NTRK3: variants seen among roughly 807,000 people sequenced by gnomAD.
NTRK3 encodes the protein NT-3 growth factor receptor.
In NTRK3, 24 loss-of-function variants were observed where a neutral mutation model predicts 91.7. The observed-to-expected ratio is 0.26, with a 90% CI of 0.19 to 0.37. The LOEUF (loss-of-function observed/expected upper bound fraction) is 0.37, where lower values mean the gene tolerates loss of function less well. NTRK3 is among the 10% of genes least tolerant of loss of function. The probability of loss-of-function intolerance (pLI) is 1.00; values close to 1 mark genes in which losing one functional copy is unlikely to be tolerated. For synonymous variants in NTRK3, 483 were observed against 404.0 expected (o/e 1.20, Z -2.34); for missense variants, 880 against 1,068.9 (o/e 0.82, Z 2.46).
In NTRK3 at chr15:88,233,774, T is replaced by C. The variant is rs2051423518; in HGVS notation, c.248+22132A>G. Among the ~76,000 whole-genome samples, 2 of 151,016 alleles carry C rather than the reference T, an allele frequency of 1.3e-5. No homozygotes were observed. The highest frequency in any genetic ancestry group is 4.9e-5 in the African/African-American group (2 of 40,648). On this transcript the variant is annotated intron_variant, in intron 3 of 18. Coordinates refer to ENST00000394480, the Ensembl canonical transcript of NTRK3. This position sits in a 1 kb window ranked among gnomAD's most constrained non-coding sequence, Gnocchi z 4.2. ...CTTCCTCCCTACACCTTGCTCCTCC[T>C]CCCCTGACATCCAGTGCTCCCCCTC...
chr15:88,121,567 A>C (rs919818776), intron 13 of NTRK3, among the ~76,000 whole-genome samples: 1 of 152,148 alleles, frequency 6.6e-6, no homozygotes, highest in African/African-American at 2.4e-5. Context: ...GCAAGGGTAC[A>C]CTCTAGTTAG....
At chr15:88,023,439 T>C (rs372670029) in intron 14 of NTRK3, among the ~76,000 whole-genome samples, 1 of 152,190 alleles carries the variant, frequency 6.6e-6, no homozygotes, top group Non-Finnish European at 1.5e-5. Flanking sequence ...TACTAATTTA[T>C]GTCCATTTAA....
At chr15:87,948,002 C>A (rs528327692) in intron 14 of NTRK3, among the ~76,000 whole-genome samples, 81 of 152,108 alleles carry the variant, frequency 5.3e-4, no homozygotes, top group African/African-American at 1.7e-3. Context: ...AAATTTCTGC[C>A]AGCCCTCAAA....
chr15:87,976,938 C>A (rs1360350195), intron 14 of NTRK3, among the ~76,000 whole-genome samples: 1 of 151,884 alleles, frequency 6.6e-6, no homozygotes, highest in Admixed American at 6.6e-5. Context: ...ACTCTCAGAC[C>A]CCCATATATC....
chr15:87,885,528 T>C (rs1264416185), intron 17 of NTRK3, among the ~76,000 whole-genome samples, 166 bp downstream of exon 18: 2 of 151,816 alleles, frequency 1.3e-5, no homozygotes, highest in African/African-American at 2.4e-5. Context: ...AATGAACACA[T>C]TGCATTTTGG....
chr15:88,098,449 G>T (rs1230349724), intron 13 of NTRK3: 1 of 197,994 alleles, frequency 5.1e-6, no homozygotes, highest in Non-Finnish European at 1.0e-5. Context: ...CACTCGTGGA[G>T]CTTCAGCAAG....
chr15:88,111,613 A>G (rs775347166), intron 13 of NTRK3, among the ~76,000 whole-genome samples: 1 of 152,162 alleles, frequency 6.6e-6, no homozygotes, highest in Non-Finnish European at 1.5e-5. Flanking sequence ...GGTTCCCAGC[A>G]GCCCTAGGTC....
chr15:88,229,588 G>A (rs1004721141), intron 3 of NTRK3, among the ~76,000 whole-genome samples: 3 of 152,186 alleles, frequency 2.0e-5, no homozygotes, highest in Admixed American at 6.5e-5. Flanking sequence ...ATCCTGAGAA[G>A]AGCCTGCCAG....
chr15:88,189,477 G>A (rs921487270), intron 3 of NTRK3, among the ~76,000 whole-genome samples: 2 of 150,498 alleles, frequency 1.3e-5, no homozygotes, highest in African/African-American at 4.9e-5. Context: ...AGGCTGGAGT[G>A]CAATGGCTCA....
At chr15:88,136,114 C>A (rs558772682) in intron 8 of NTRK3, 74 bp from the exon 9 acceptor site, 25 of 1,563,660 alleles carry the variant, frequency 1.6e-5, no homozygotes, top group Middle Eastern at 1.7e-4. Flanking sequence ...TCCCCAAATA[C>A]CTTTAGGAAT....
intron 14 of NTRK3, among the ~76,000 whole-genome samples, chr15:87,970,540 G>A (rs1339518661): frequency 6.6e-6 from 1 of 152,208 alleles, no homozygotes; most frequent in Non-Finnish European, 1.5e-5. Flanking sequence ...TGTGTGCTGA[G>A]TCTATTAATA....
intron 14 of NTRK3, among the ~76,000 whole-genome samples, chr15:87,959,213 CTTAT>C (rs2071996357): frequency 1.3e-5 from 2 of 152,222 alleles, no homozygotes; most frequent in Admixed American, 6.5e-5. Context: ...ATCTTCCTGA[CTTAT>C]TTGTTTGTTT....
intron 17 of NTRK3, among the ~76,000 whole-genome samples, chr15:87,924,379 T>G (rs2068120204): frequency 6.6e-6 from 1 of 152,166 alleles, no homozygotes; most frequent in South Asian, 2.1e-4. Flanking sequence ...TCTAGGAGTT[T>G]CTGGGAACCC....
intron 14 of NTRK3, among the ~76,000 whole-genome samples, chr15:87,947,589 A>G (rs1385681701): frequency 6.6e-6 from 1 of 152,116 alleles, no homozygotes; most frequent in Non-Finnish European, 1.5e-5. Flanking sequence ...TGCCCCACCC[A>G]GAAACAGAGT....
intron 17 of NTRK3, among the ~76,000 whole-genome samples, chr15:87,881,406 C>CCTATTTAT: frequency 6.7e-6 from 1 of 149,260 alleles, no homozygotes; most frequent in East Asian, 2.0e-4. Context: ...TTCCTTCTTT[C>CCTATTTAT]TTATTTATTT....
intron 10 of NTRK3, among the ~76,000 whole-genome samples, chr15:88,133,884 G>A (rs772288952): frequency 1.8e-4 from 27 of 152,134 alleles, no homozygotes; most frequent in Admixed American, 3.3e-4. Context: ...GGACCTCAAC[G>A]GCAAGAATTT....
In NTRK3 at chr15:88,255,718, G is replaced by A. The variant is rs919792260; in HGVS notation, c.248+188C>T. On this transcript the variant is annotated intron_variant, in intron 3 of 18. Transcript: ENST00000394480. This position sits in a 1 kb window ranked among gnomAD's most constrained non-coding sequence, Gnocchi z 4.3. ...CGCATAGCCGGATCGCGCCTCGCCA[G>A]GGCCGGAGTCACCTGGAATGCGCAG... 6.6e-6 allele frequency among the ~76,000 whole-genome samples: 1 copy of A among 152,166 alleles called. No homozygotes were observed. The highest frequency in any genetic ancestry group is 1.5e-5 in the Non-Finnish European group (1 of 68,024).
intron 14 of NTRK3, among the ~76,000 whole-genome samples, chr15:87,996,064 C>T (rs967588602): frequency 4.0e-5 from 6 of 151,780 alleles, no homozygotes; most frequent in Admixed American, 2.6e-4. Flanking sequence ...GCCAGCATGA[C>T]GAAACCCCAT....
At chr15:87,997,456 G>A (rs1464655004) in intron 14 of NTRK3, among the ~76,000 whole-genome samples, 2 of 152,080 alleles carry the variant, frequency 1.3e-5, no homozygotes, top group Admixed American at 6.5e-5. Context: ...TTACCACCCT[G>A]CATGACCCTT....
Sources: allele counts gnomAD v4.1 joint callset (sites outside exome capture counted in the v4.1 genomes callset), GRCh38; gene constraint gnomAD v4.1.1; non-coding constraint Gnocchi (gnomAD v3.1); transcripts MANE v1.5; gene names NCBI Gene and HGNC (gene_info 2026-07-23, HGNC 2026-07-21).